Variants in TUBA1C observed in about 807,000 individuals in gnomAD.
The protein encoded by TUBA1C is tubulin alpha 1c, also known as tubulin alpha-1C chain.
TUBA1C carries 16 observed loss-of-function variants against 34.9 expected under a neutral mutation model. That is an observed-to-expected ratio of 0.46 (90% CI 0.31 to 0.70). The LOEUF (loss-of-function observed/expected upper bound fraction) is 0.70. Among genes scored for constraint, TUBA1C ranks in the 30% least tolerant of loss-of-function variants. The pLI is 0.05. For missense variants in TUBA1C, 329 were observed against 587.3 expected, an observed-to-expected ratio of 0.56 and a Z score of 4.55; for synonymous variants, 177 against 215.9, an observed-to-expected ratio of 0.82 and a Z score of 1.58.
intron 1 of TUBA1C, chr12:49,257,865 T>C: frequency 5.2e-6 from 1 of 190,572 alleles, no homozygotes; most frequent in Non-Finnish European, 1.1e-5. Context: ...GTTTACAATT[T>C]TTTTTTTTTT....
intron 1 of TUBA1C, among the ~76,000 whole-genome samples, chr12:49,259,885 C>A (rs530410577): frequency 6.6e-6 from 1 of 152,196 alleles, no homozygotes; most frequent in African/African-American, 2.4e-5. Flanking sequence ...GGTGGAGATG[C>A]AGAAAAGTAA....
At chr12:49,270,618 T>C (rs2137023164) in intron 3 of TUBA1C, among the ~76,000 whole-genome samples, 1 of 152,352 alleles carries the variant, frequency 6.6e-6, no homozygotes, top group South Asian at 2.1e-4. Flanking sequence ...TCATCATTCA[T>C]GGCTTCATAC....
chr12:49,257,860 CA>C, intron 1 of TUBA1C: 2 of 188,150 alleles, frequency 1.1e-5, no homozygotes, highest in Non-Finnish European at 2.3e-5. Flanking sequence ...AAAAAGTTTA[CA>C]ATTTTTTTTT....
chr12:49,255,605 C>G (rs1942775820), intron 1 of TUBA1C, among the ~76,000 whole-genome samples: 1 of 152,040 alleles, frequency 6.6e-6, no homozygotes, highest in Admixed American at 6.6e-5. Context: ...ATCACCCATG[C>G]TGGAGTGCAG....
Position 49,265,957 on chromosome 12 carries a change from T to TAAAAA in TUBA1C, c.3+784_3+788dup, listed in dbSNP as rs35622750. Among the ~76,000 whole-genome samples, 32 of 91,838 alleles carry TAAAAA rather than the reference T, an allele frequency of 3.5e-4. No homozygotes were observed. The East Asian group carries it at 4.3e-3, about 12-fold the overall frequency. 60.2% of individuals were successfully genotyped at this position (91,838 alleles called of 152,430 possible). A position where few individuals can be genotyped will look rare whatever the true frequency, so the allele number is the denominator to read the frequency against. On this transcript the variant is annotated intron_variant, in intron 1 of 3. Transcript: ENST00000301072. ...ACATGGTGAAACCCCGTCTCTACTT[T>TAAAAA]AAAAAAAAAAAAAAACAAAAAAAAA...
intron 1 of TUBA1C, 144 bp downstream of exon 1, chr12:49,265,328 C>A (rs1336964501): frequency 3.6e-6 from 2 of 560,244 alleles, no homozygotes; most frequent in South Asian, 8.0e-5. Flanking sequence ...TTGTGGCGGC[C>A]GGGCTGGAAG....
At chr12:49,234,534 T>TGGGCTC (rs999282969) in intron 1 of TUBA1C, among the ~76,000 whole-genome samples, 5 of 152,328 alleles carry the variant, frequency 3.3e-5, no homozygotes, top group Middle Eastern at 3.4e-3. Context: ...GGCCTGGGCC[T>TGGGCTC]GGGCTCGGGC....
intron 1 of TUBA1C, among the ~76,000 whole-genome samples, chr12:49,229,463 A>T (rs1239641048): frequency 6.6e-6 from 1 of 152,000 alleles, no homozygotes; most frequent in Non-Finnish European, 1.5e-5. Flanking sequence ...GTGAGCCACC[A>T]CACCCAGTCT....
chr12:49,244,995 C>G (rs1942652867), intron 1 of TUBA1C, among the ~76,000 whole-genome samples: 1 of 152,094 alleles, frequency 6.6e-6, no homozygotes, highest in Admixed American at 6.6e-5. Flanking sequence ...ATATACTCAT[C>G]AAGTACACAG....
chr12:49,271,884 G>C (rs1228695248), intron 3 of TUBA1C, among the ~76,000 whole-genome samples: 1 of 152,090 alleles, frequency 6.6e-6, no homozygotes, highest in Non-Finnish European at 1.5e-5. Flanking sequence ...TAAGGCAATA[G>C]TTCATCTTAA....
At chr12:49,231,543 G>A (rs531125107) in intron 1 of TUBA1C, among the ~76,000 whole-genome samples, 5 of 152,302 alleles carry the variant, frequency 3.3e-5, no homozygotes, top group Admixed American at 6.5e-5. Context: ...AAGGAAGTGC[G>A]AAACAGGGCT....
At chr12:49,260,761 C>A (rs1262734926), upstream of TUBA1C, among the ~76,000 whole-genome samples, 1 of 152,158 alleles carries the variant, frequency 6.6e-6, no homozygotes, top group Non-Finnish European at 1.5e-5. Flanking sequence ...GGAACAGGGT[C>A]TGTTTTCCCC....
chr12:49,228,076 T>C (rs762435592), exon 1 of TUBA1C: 20 of 1,535,724 alleles, frequency 1.3e-5, no homozygotes, highest in Non-Finnish European at 1.7e-5. Context: ...ACTGGATTCT[T>C]ATTTACTTCA....
At chr12:49,240,035 G>GACACACACACACAC (rs5798100) in intron 1 of TUBA1C, among the ~76,000 whole-genome samples, 42 of 138,782 alleles carry the variant, frequency 3.0e-4, no homozygotes, top group African/African-American at 1.0e-3. Context: ...TCAGAGCACA[G>GACACACACACACAC]ACACACACAC....
chr12:49,256,485 G>A (rs1407233375), intron 1 of TUBA1C: 1 of 454,098 alleles, frequency 2.2e-6, no homozygotes, highest in African/African-American at 2.0e-5. Flanking sequence ...TGTAGTTACA[G>A]GCTGTTCCGT....
chr12:49,247,412 C>T (rs1415418131), intron 1 of TUBA1C, among the ~76,000 whole-genome samples: 2 of 151,940 alleles, frequency 1.3e-5, no homozygotes, highest in African/African-American at 2.4e-5. Flanking sequence ...CAAAAATTAG[C>T]TGAACATGGT....
intron 1 of TUBA1C, among the ~76,000 whole-genome samples, chr12:49,251,689 G>A (rs555754224): frequency 5.1e-4 from 77 of 151,392 alleles, no homozygotes; most frequent in African/African-American, 1.7e-3. Context: ...CAGGAGAATC[G>A]CTTGAGCCCA....
At chr12:49,253,559 G>C (rs1051568673) in intron 1 of TUBA1C, among the ~76,000 whole-genome samples, 1 of 152,100 alleles carries the variant, frequency 6.6e-6, no homozygotes, top group Non-Finnish European at 1.5e-5. Flanking sequence ...ATTTTTGAGA[G>C]AGGGTTTCAC....
chr12:49,260,980 C>T (rs1487440248), upstream of TUBA1C, among the ~76,000 whole-genome samples: 1 of 152,186 alleles, frequency 6.6e-6, no homozygotes, highest in Non-Finnish European at 1.5e-5. Flanking sequence ...GCAATCTGCC[C>T]ACCCTGGCCT....
Sources: allele counts gnomAD v4.1 joint callset (sites outside exome capture counted in the v4.1 genomes callset), GRCh38; gene constraint gnomAD v4.1.1; transcripts MANE v1.5; gene names NCBI Gene and HGNC (gene_info 2026-07-23, HGNC 2026-07-21).